The following NR1H4 variants were observed in gnomAD, a reference collection of about 807,000 sequenced individuals.
NR1H4 encodes the protein nuclear receptor subfamily 1 group H member 4.
NR1H4 carries 23 observed loss-of-function variants against 58.5 expected under a neutral mutation model. The ratio of observed to expected loss-of-function variants is 0.39; its 90% confidence interval spans 0.28 to 0.56. The LOEUF (loss-of-function observed/expected upper bound fraction) is 0.56, where lower values mean the gene tolerates loss of function less well. NR1H4 is among the 20% of genes least tolerant of loss of function. The pLI, the probability that NR1H4 is intolerant of heterozygous loss-of-function variation, is 0.58. For synonymous variants in NR1H4, 214 were observed against 198.0 expected (o/e 1.08, Z -0.68); for missense variants, 487 against 576.9 (o/e 0.84, Z 1.60).
At chr12:100,486,096 A>G (rs750178223) in intron 1 of NR1H4, among the ~76,000 whole-genome samples, 8 of 151,976 alleles carry the variant, frequency 5.3e-5, no homozygotes, top group Non-Finnish European at 1.0e-4. Context: ...TAAATCCCCA[A>G]TCAGGGGAGT....
At chr12:100,493,194 G>T (rs952222101) in intron 2 of NR1H4, 76 bp from the exon 3 acceptor site, 9 of 682,546 alleles carry the variant, frequency 1.3e-5, no homozygotes, top group South Asian at 9.6e-5. Context: ...AAACTATCTC[G>T]CTGTCTCCTT....
rs922858366 is a variant in NR1H4 at position 100,506,036 on chromosome 12, CACACACAGAGAG to C, written c.80-4740_80-4729del. ...ACACACACACACACACACACACACA[CACACACAGAGAG>C]AGAGAGAGAACATGAGCATATGTTT... On this transcript the variant is annotated intron_variant, in intron 3 of 10. Coordinates refer to ENST00000392986, the MANE Select transcript of NR1H4 (RefSeq NM_001206979.2). 8.9e-5 allele frequency among the ~76,000 whole-genome samples: 12 copies of C among 134,674 alleles called. No homozygotes were observed. The South Asian group carries it at 1.6e-3, about 18-fold the overall frequency. 88.4% of individuals were successfully genotyped at this position (134,674 alleles called of 152,430 possible).
chr12:100,527,540 G>A (rs561797122), intron 4 of NR1H4, among the ~76,000 whole-genome samples: 1 of 152,086 alleles, frequency 6.6e-6, no homozygotes, highest in Non-Finnish European at 1.5e-5. Flanking sequence ...TAAAAAAATA[G>A]GAAATAAAAA....
intron 9 of NR1H4, among the ~76,000 whole-genome samples, chr12:100,559,054 C>A (rs1481238393): frequency 6.6e-6 from 1 of 152,146 alleles, no homozygotes; most frequent in African/African-American, 2.4e-5. Context: ...GTTAGATAGG[C>A]AGGGGACAGG....
At chr12:100,560,836 A>G (rs1955453373) in intron 9 of NR1H4, among the ~76,000 whole-genome samples, 1 of 152,112 alleles carries the variant, frequency 6.6e-6, no homozygotes, top group South Asian at 2.1e-4. Flanking sequence ...TAAAGAGGAG[A>G]GGGAGCACCA....
At chr12:100,477,277 G>GA (rs903594636) in intron 1 of NR1H4, among the ~76,000 whole-genome samples, 2 of 151,130 alleles carry the variant, frequency 1.3e-5, no homozygotes, top group South Asian at 4.2e-4. Flanking sequence ...TATTGCACAG[G>GA]AAAAAAAATA....
chr12:100,520,963 A>G (rs541133364), intron 4 of NR1H4, among the ~76,000 whole-genome samples: 2 of 152,306 alleles, frequency 1.3e-5, no homozygotes, highest in South Asian at 4.1e-4. Flanking sequence ...GATCTGCAAA[A>G]TAGGGATATT....
At chr12:100,483,421 GTTACTAAGATAGTAATAAAAA>G (rs1953423362) in intron 1 of NR1H4, among the ~76,000 whole-genome samples, 1 of 152,046 alleles carries the variant, frequency 6.6e-6, no homozygotes, top group Non-Finnish European at 1.5e-5. Context: ...CTATGTAGTG[GTTACTAAGATAGTAATAAAAA>G]TTGTTTGGTT....
intron 3 of NR1H4, among the ~76,000 whole-genome samples, chr12:100,505,279 T>A (rs1042520267): frequency 1.3e-5 from 2 of 152,194 alleles, no homozygotes; most frequent in African/African-American, 4.8e-5. Flanking sequence ...GCAAACCTGA[T>A]TTCCCATTTG....
chr12:100,518,488 A>G (rs957476770), intron 4 of NR1H4, among the ~76,000 whole-genome samples: 1 of 152,184 alleles, frequency 6.6e-6, no homozygotes, highest in Admixed American at 6.5e-5. Flanking sequence ...CGTTGCCCCC[A>G]TGGTGTCAGG....
intron 1 of NR1H4, among the ~76,000 whole-genome samples, chr12:100,486,120 T>C (rs1566427706): frequency 6.6e-6 from 1 of 152,148 alleles, no homozygotes; most frequent in Non-Finnish European, 1.5e-5. Flanking sequence ...TGGGTGGTAG[T>C]GTCAGGAGGA....
chr12:100,523,272 T>C (rs925565254), intron 4 of NR1H4, among the ~76,000 whole-genome samples: 6 of 152,192 alleles, frequency 3.9e-5, no homozygotes, highest in African/African-American at 1.4e-4. Context: ...TAGTATCTCA[T>C]TGTCATTTTA....
At chr12:100,546,197 A>G (rs1008654936) in intron 9 of NR1H4, among the ~76,000 whole-genome samples, 2 of 152,134 alleles carry the variant, frequency 1.3e-5, no homozygotes, top group South Asian at 4.1e-4. Context: ...GGTCATCTCC[A>G]TGGCTAACAT....
At chr12:100,503,527 C>T (rs753523572) in intron 3 of NR1H4, 9 of 1,552,026 alleles carry the variant, frequency 5.8e-6, no homozygotes, top group African/African-American at 1.4e-5. Context: ...GCTTTCAGGT[C>T]GAGCTCTTGC....
At chr12:100,556,085 A>T (rs1330844354) in intron 9 of NR1H4, among the ~76,000 whole-genome samples, 1 of 152,226 alleles carries the variant, frequency 6.6e-6, no homozygotes, top group African/African-American at 2.4e-5. Flanking sequence ...AACGGCAAGG[A>T]TTTAATTTGG....
At chr12:100,518,363 A>T (rs555865617) in intron 4 of NR1H4, among the ~76,000 whole-genome samples, 1 of 152,358 alleles carries the variant, frequency 6.6e-6, no homozygotes, top group African/African-American at 2.4e-5. Context: ...TGGAGAAAGT[A>T]GTCAGAAGAG....
chr12:100,481,695 A>T (rs1332017665), intron 1 of NR1H4, among the ~76,000 whole-genome samples: 1 of 152,026 alleles, frequency 6.6e-6, no homozygotes, highest in Non-Finnish European at 1.5e-5. Flanking sequence ...CTGGCAGATC[A>T]TGAGGTCAGG....
chr12:100,562,374 TAAAG>T (rs1410808801), intron 10 of NR1H4, among the ~76,000 whole-genome samples: 8 of 152,100 alleles, frequency 5.3e-5, no homozygotes, highest in East Asian at 1.9e-4. Flanking sequence ...AATGAGAATA[TAAAG>T]AAAGAGAGTG....
chr12:100,560,403 C>T (rs1955441715), intron 9 of NR1H4, among the ~76,000 whole-genome samples: 1 of 152,158 alleles, frequency 6.6e-6, no homozygotes, highest in African/African-American at 2.4e-5. Context: ...AGTTGTAACA[C>T]TCACTGCGAA....
Sources: allele counts gnomAD v4.1 joint callset (sites outside exome capture counted in the v4.1 genomes callset), GRCh38; gene constraint gnomAD v4.1.1; transcripts MANE v1.5; gene names NCBI Gene and HGNC (gene_info 2026-07-23, HGNC 2026-07-21).